The following DNAH7 variants were observed in gnomAD, a reference collection of about 807,000 sequenced individuals.
The protein encoded by DNAH7 is dynein axonemal heavy chain 7, also known as axonemal beta dynein heavy chain 7.
DNAH7 carries 397 observed loss-of-function variants against 444.6 expected under a neutral mutation model. That is an observed-to-expected ratio of 0.89 (90% confidence interval 0.82 to 0.97). The LOEUF is 0.97. Among genes scored for constraint, DNAH7 ranks in the 50% least tolerant of loss-of-function variants. The probability of loss-of-function intolerance (pLI) is 0.00; values close to 1 mark genes in which losing one functional copy is unlikely to be tolerated. For synonymous variants in DNAH7, 1,636 were observed against 1,624.4 expected (o/e 1.01, Z -0.17); for missense variants, 4,902 against 4,800.8 (o/e 1.02, Z -0.62).
intron 19 of DNAH7, among the ~76,000 whole-genome samples, chr2:195,939,034 C>A (rs1259989242): frequency 6.6e-6 from 1 of 152,126 alleles, no homozygotes; most frequent in Non-Finnish European, 1.5e-5. Flanking sequence ...TAATCTGAGT[C>A]CCTTTTTTAT....
intron 42 of DNAH7, 73 bp from the exon 43 acceptor site, chr2:195,858,877 T>C: frequency 7.7e-7 from 1 of 1,304,546 alleles, no homozygotes; most frequent in Non-Finnish European, 1.1e-6. Context: ...CTTAAGTGTT[T>C]CTGAGCTTTC....
rs778541588 is a variant in DNAH7 at position 195,864,903 on chromosome 2, C to T, written c.6752G>A (p.Arg2251His). The change falls in exon 41 of 65, where the codon CGT becomes CAT. Residue 2251 changes from arginine (R) to histidine (H), a missense_variant. Transcript: ENST00000312428. Reference protein sequence around the residue: ...MYEDFHELFQRLDFDNDGMVE... With the variant: ...MYEDFHELFQHLDFDNDGMVE... ...CATGCCATCATTATCAAAATCCAAA[C>T]GCTGAAAAAGCTCATGAAAATCTTC... The T allele has an allele frequency of 2.6e-5, 42 of 1,613,396 alleles. No individual in the cohort carries two copies. In the East Asian group the frequency reaches 3.1e-4, roughly 12 times the overall value.
Position 195,884,727 on chromosome 2 carries a change from C to T in DNAH7, c.5621G>A (p.Arg1874Gln), listed in dbSNP as rs1274108178. The T allele has an allele frequency of 1.9e-5, 30 of 1,614,062 alleles. No individual in the cohort carries two copies. Among genetic ancestry groups the T allele is most frequent in the Admixed American group, 3.3e-5 (2 of 60,020 alleles). ...DDRLKFNKIL[R>Q]ELMESPISDR... The stretch of plus-strand genomic sequence containing the variant: ...TGAAATTGGACTTTCCATTAGTTCT[C>T]GAAGAATCTTATTAAATTTCAATCG... The change falls in exon 35 of 65, where the codon CGA (arginine) becomes CAA (glutamine). Residue 1874 changes from arginine to glutamine, a missense_variant. By Grantham distance (43) the Arg-to-Gln change is conservative. Coordinates refer to ENST00000312428, the MANE Select transcript of DNAH7 (RefSeq NM_018897.3).
chr2:196,019,090 T>C (rs1695206867), intron 9 of DNAH7, 80 bp downstream of exon 9: 6 of 1,285,364 alleles, frequency 4.7e-6, no homozygotes, highest in Non-Finnish European at 6.1e-6. Context: ...GCAGTTAAAA[T>C]AGTAAAAGAA....
rs949915513 is a variant in DNAH7 at position 195,835,409 on chromosome 2, A to G, written c.8946-1049T>C. 9.2e-5 allele frequency among the ~76,000 whole-genome samples: 14 copies of G among 152,086 alleles called. No individual in the cohort carries two copies. The South Asian group carries it at 2.3e-3, about 25-fold the overall frequency. ...AAAAAAAAAAAAAAAAATTGAAAAG[A>G]AAAAAAGGTAGGGGGATATAACAGG... On this transcript the variant is annotated intron_variant, in intron 47 of 64. Transcript: ENST00000312428.
rs751756569 is a variant in DNAH7 at position 195,884,571 on chromosome 2, T to C, written c.5763+14A>G. 6.2e-7 allele frequency: 1 copy of C among 1,606,212 alleles called. No homozygotes were observed. The highest frequency in any genetic ancestry group is 8.5e-7 in the Non-Finnish European group (1 of 1,173,176). On this transcript the variant is annotated intron_variant, in intron 35 of 64. Coordinates refer to ENST00000312428, the MANE Select transcript of DNAH7 (RefSeq NM_018897.3). ...CCAGGCTGGCAGCTGCAAATCTTGC[T>C]TCAGAACTCTTACCTCAGTGACAAA...
intron 58 of DNAH7, 81 bp from the exon 59 acceptor site, chr2:195,778,066 A>G: frequency 7.7e-7 from 1 of 1,295,096 alleles, no homozygotes; most frequent in Non-Finnish European, 1.0e-6. Context: ...CTATTACTAA[A>G]TTAAACATCT....
In DNAH7 at chr2:195,959,552, C is replaced by G. The variant is rs1008219053; in HGVS notation, c.2891+708G>C. ...CAGAACATGCCCAAGTGTACGATAACACCTAAGTCACCAGAGGCAGATACT... is the reference window on the plus strand; with the variant it reads ...CAGAACATGCCCAAGTGTACGATAAGACCTAAGTCACCAGAGGCAGATACT... On this transcript the variant is annotated intron_variant, in intron 18 of 64. Coordinates refer to ENST00000312428, the MANE Select transcript of DNAH7 (RefSeq NM_018897.3). 2.0e-5 allele frequency among the ~76,000 whole-genome samples: 3 copies of G among 152,184 alleles called. No individual in the cohort carries two copies. The East Asian group carries it at 5.8e-4, about 29-fold the overall frequency.
intron 61 of DNAH7, among the ~76,000 whole-genome samples, chr2:195,759,095 A>G (rs761847676): frequency 3.3e-5 from 5 of 152,064 alleles, no homozygotes; most frequent in African/African-American, 4.8e-5. Context: ...CCCTCCCCCA[A>G]TCCCAGGCAG....
At chr2:195,921,901 T>A (rs894415466) in intron 24 of DNAH7, among the ~76,000 whole-genome samples, 187 bp downstream of exon 24, 5 of 151,984 alleles carry the variant, frequency 3.3e-5, no homozygotes, top group African/African-American at 1.2e-4. Context: ...AGCCCTAGTA[T>A]TGAGAGGAGG....
intron 16 of DNAH7, among the ~76,000 whole-genome samples, chr2:195,970,736 A>T (rs1229114238): frequency 6.6e-6 from 1 of 152,340 alleles, no homozygotes; most frequent in East Asian, 1.9e-4. Flanking sequence ...GGCATTCCAA[A>T]TTAAATGGCT....
chr2:195,738,698 T>C (rs1472215862), intron 64 of DNAH7, among the ~76,000 whole-genome samples: 1 of 152,176 alleles, frequency 6.6e-6, no homozygotes, highest in Non-Finnish European at 1.5e-5. Context: ...ACCTCATCAA[T>C]CTTAAAAATA....
intron 5 of DNAH7, 45 bp downstream of exon 5, chr2:196,047,307 G>A (rs1269244756): frequency 1.4e-6 from 2 of 1,455,502 alleles, no homozygotes; most frequent in Admixed American, 4.4e-5. Flanking sequence ...CGTTGCCAGG[G>A]GCTCTAACAT....
chr2:195,976,782 A>AGAGAGAGAGAGAGAGAGAGG (rs1271798254), intron 15 of DNAH7, among the ~76,000 whole-genome samples: 27 of 146,702 alleles, frequency 1.8e-4, no homozygotes, highest in Non-Finnish European at 2.8e-4. Context: ...AGAGAGAGAG[A>AGAGAGAGAGAGAGAGAGAGG]GAGAGACTCT....
Position 195,806,744 on chromosome 2 carries a change from T to A in DNAH7, c.10172A>T (p.Asp3391Val). 6.2e-7 allele frequency: 1 copy of A among 1,613,284 alleles called. No individual in the cohort carries two copies. The highest frequency in any genetic ancestry group is 8.5e-7 in the Non-Finnish European group (1 of 1,179,460). ...RMLIIRCLRP[D>V]KVIPMLQEFI... Reference sequence around the variant, plus strand: ...GTTTTCAAAGCCCACATTTACCTTGTCTGGCCTCAAGCAACGAATAATAAG... The same window carrying A: ...GTTTTCAAAGCCCACATTTACCTTGACTGGCCTCAAGCAACGAATAATAAG... The change falls in exon 54 of 65, where the codon GAC becomes GTC. Residue 3391 changes from aspartate (D) to valine (V), a missense_variant. Physicochemically the swap from Asp to Val is radical, Grantham distance 152. Transcript: ENST00000312428.
At chr2:195,841,697 A>C (rs1013939717) in intron 47 of DNAH7, among the ~76,000 whole-genome samples, 1 of 151,762 alleles carries the variant, frequency 6.6e-6, no homozygotes, top group Admixed American at 6.6e-5. Context: ...TAACAAGAAA[A>C]TGTTTTTCTC....
chr2:195,875,815 G>A lies in DNAH7; in HGVS notation c.6146C>T (p.Pro2049Leu). Residue 2049 changes from proline to leucine, a missense_variant, in exon 38 of 65, where the codon CCT (proline) becomes CTT (leucine). Transcript: ENST00000312428. ...MVVFVDDVNM[P>L]AREVYGAQPP... is the part of the protein sequence containing the mutation. Reference sequence around the variant, plus strand: ...TTGAGCCCCATATACCTCCCGAGCAGGCATATTGACATCATCTACAAAGAC... The same window carrying A: ...TTGAGCCCCATATACCTCCCGAGCAAGCATATTGACATCATCTACAAAGAC... 3 of 1,607,140 alleles carry A rather than the reference G, an allele frequency of 1.9e-6. No individual in the cohort carries two copies. Among genetic ancestry groups the A allele is most frequent in the Non-Finnish European group, 2.5e-6 (3 of 1,178,176 alleles).
At chr2:195,821,885 A>G (rs761799445) in intron 49 of DNAH7, among the ~76,000 whole-genome samples, 5 of 152,182 alleles carry the variant, frequency 3.3e-5, no homozygotes, top group Admixed American at 2.0e-4. Flanking sequence ...TATTTTTGTA[A>G]GAAAATGTCC....
At chr2:195,940,776 C>A (rs961037189) in intron 19 of DNAH7, among the ~76,000 whole-genome samples, 1 of 152,054 alleles carries the variant, frequency 6.6e-6, no homozygotes, top group African/African-American at 2.4e-5. Context: ...AAAAAAAGCT[C>A]ATCATCACTT....
Sources: gnomAD v4.1 joint callset for allele counts (sites outside exome capture counted in the v4.1 genomes callset) on GRCh38, gnomAD v4.1.1 for gene constraint, MANE v1.5 for transcripts, NCBI Gene and HGNC (gene_info 2026-07-23, HGNC 2026-07-21) for gene names.